BTG4: variants seen among roughly 807,000 people sequenced by gnomAD.
BTG4 encodes protein BTG4.
BTG4 carries 10 observed loss-of-function variants against 19.3 expected under a neutral mutation model. The observed-to-expected ratio is 0.52, with a 90% CI of 0.32 to 0.88. The LOEUF is 0.88. BTG4 is among the 40% of genes least tolerant of loss of function. BTG4 has a pLI of 0.04. For missense variants in BTG4, 238 were observed against 281.9 expected (o/e 0.84, Z 1.11); for synonymous variants, 91 against 95.7 (o/e 0.95, Z 0.29).
chr11:111,407,419 C>T, the BTG4 span, among the ~76,000 whole-genome samples: 19 of 152,110 alleles, frequency 1.2e-4, no homozygotes, highest in Admixed American at 8.5e-4. Flanking sequence ...GCCTATAATC[C>T]CAGCACTTTG....
downstream of BTG4, chr11:111,464,723 C>G (rs1190974997): frequency 2.0e-5 from 3 of 152,200 alleles, no homozygotes; most frequent in East Asian, 5.8e-4. Flanking sequence ...ATGGGGGGCA[C>G]TGAAGGTATG....
intron 1 of BTG4, among the ~76,000 whole-genome samples, chr11:111,505,711 T>C (rs936122391): frequency 1.3e-5 from 2 of 151,854 alleles, no homozygotes; most frequent in Non-Finnish European, 2.9e-5. Flanking sequence ...TGGGAGAAAA[T>C]ATTTACAAAT....
the BTG4 span, among the ~76,000 whole-genome samples, chr11:111,432,551 G>A: frequency 6.6e-6 from 1 of 152,254 alleles, no homozygotes; most frequent in African/African-American, 2.4e-5. Flanking sequence ...GGCTGAGGCA[G>A]GAGAATCTGT....
At chr11:111,420,177 G>A in the BTG4 span, among the ~76,000 whole-genome samples, 2 of 152,316 alleles carry the variant, frequency 1.3e-5, no homozygotes, top group South Asian at 4.1e-4. Flanking sequence ...AAGTCTCAAG[G>A]TGCAAAGTCC....
intron 5 of BTG4, among the ~76,000 whole-genome samples, chr11:111,489,777 C>T (rs946472464): frequency 6.6e-6 from 1 of 151,352 alleles, no homozygotes; most frequent in Admixed American, 6.6e-5. Context: ...TTCTCATTCA[C>T]ACTTGGGAGT....
chr11:111,415,625 C>G, the BTG4 span, among the ~76,000 whole-genome samples: 10 of 152,226 alleles, frequency 6.6e-5, no homozygotes, highest in East Asian at 1.9e-3. Flanking sequence ...CAATGGTGAG[C>G]CCAACAGCCT....
At chr11:111,493,836 G>T (rs1219682639), downstream of BTG4, among the ~76,000 whole-genome samples, 1 of 152,132 alleles carries the variant, frequency 6.6e-6, no homozygotes, top group Non-Finnish European at 1.5e-5. Context: ...AAGAAAAAAT[G>T]ATTACTAAGA....
the BTG4 span, among the ~76,000 whole-genome samples, chr11:111,421,191 G>T: frequency 1.3e-3 from 202 of 152,300 alleles, no homozygotes; most frequent in African/African-American, 4.4e-3. Flanking sequence ...CTCATATAGG[G>T]CCTCGTAGAC....
At chr11:111,401,673 G>T in the BTG4 span, among the ~76,000 whole-genome samples, 1 of 152,214 alleles carries the variant, frequency 6.6e-6, no homozygotes, top group Non-Finnish European at 1.5e-5. Context: ...AATATAGCAT[G>T]ACTCTTTGGA....
downstream of BTG4, among the ~76,000 whole-genome samples, chr11:111,491,231 G>A (rs951711497): frequency 1.3e-5 from 2 of 152,136 alleles, no homozygotes; most frequent in Admixed American, 6.5e-5. Flanking sequence ...GATGGGAGTC[G>A]GAGGAAGTGT....
At chr11:111,447,167 G>C in the BTG4 span, among the ~76,000 whole-genome samples, 1 of 152,190 alleles carries the variant, frequency 6.6e-6, no homozygotes, top group East Asian at 1.9e-4. Context: ...GCCAGGACCT[G>C]AGCCTTTCTC....
chr11:111,388,748 A>G, the BTG4 span, among the ~76,000 whole-genome samples: 2 of 152,198 alleles, frequency 1.3e-5, no homozygotes, highest in Non-Finnish European at 1.5e-5. Flanking sequence ...AAAAGCCCAC[A>G]AGGGGCCAGA....
chr11:111,496,236 C>A (rs1310162682), intron 4 of BTG4, among the ~76,000 whole-genome samples: 2 of 151,952 alleles, frequency 1.3e-5, no homozygotes, highest in Non-Finnish European at 2.9e-5. Context: ...TGAGAATAGC[C>A]AATTCTAGAA....
the BTG4 span, among the ~76,000 whole-genome samples, chr11:111,395,343 T>C: frequency 1.3e-5 from 2 of 152,204 alleles, no homozygotes; most frequent in African/African-American, 4.8e-5. Flanking sequence ...CACTAGCCCA[T>C]TGTTCTTCCT....
At chr11:111,502,838 T>G (rs1368525984) in intron 1 of BTG4, among the ~76,000 whole-genome samples, 1 of 152,212 alleles carries the variant, frequency 6.6e-6, no homozygotes, top group Non-Finnish European at 1.5e-5. Flanking sequence ...GCCTTGAAAG[T>G]TATGAATAGA....
At chr11:111,503,089 A>T (rs1485306496) in intron 1 of BTG4, among the ~76,000 whole-genome samples, 1 of 152,180 alleles carries the variant, frequency 6.6e-6, no homozygotes, top group Non-Finnish European at 1.5e-5. Flanking sequence ...ACAAAATTCA[A>T]CTTTCCTTTC....
chr11:111,418,626 G>C, the BTG4 span, among the ~76,000 whole-genome samples: 2 of 152,166 alleles, frequency 1.3e-5, no homozygotes, highest in Non-Finnish European at 2.9e-5. Context: ...GGGGAAATAA[G>C]ATTAAGAGTA....
chr11:111,453,581 C>T, the BTG4 span: 1 of 449,722 alleles, frequency 2.2e-6, no homozygotes, highest in Non-Finnish European at 4.5e-6. Context: ...GAGGGGGGTC[C>T]TGGTGAGTGA....
At chr11:111,453,955 A>G in the BTG4 span, among the ~76,000 whole-genome samples, 1 of 152,228 alleles carries the variant, frequency 6.6e-6, no homozygotes, top group Non-Finnish European at 1.5e-5. Context: ...TGGTCCTCAG[A>G]CAGCCACACT....
Sources: gnomAD v4.1 joint callset for allele counts (sites outside exome capture counted in the v4.1 genomes callset) on GRCh38, gnomAD v4.1.1 for gene constraint, MANE v1.5 for transcripts, NCBI Gene and HGNC (gene_info 2026-07-23, HGNC 2026-07-21) for gene names.